The following MTREX variants were observed in gnomAD, a reference collection of about 807,000 sequenced individuals.
MTREX encodes the protein Mtr4 exosome RNA helicase, also known as exosome RNA helicase MTR4.
In MTREX, 76 loss-of-function variants were observed where a neutral mutation model predicts 135.4. The ratio of observed to expected loss-of-function variants is 0.56; its 90% CI spans 0.47 to 0.68. The LOEUF is 0.68. Among genes scored for constraint, MTREX ranks in the 30% least tolerant of loss-of-function variants. MTREX has a pLI of 0.00. For synonymous variants in MTREX, 404 were observed against 401.6 expected, an observed-to-expected ratio of 1.01 and a Z score of -0.07; for missense variants, 920 against 1,262.1, an observed-to-expected ratio of 0.73 and a Z score of 4.11.
chr5:55,376,729 C>A (rs1207835808), intron 16 of MTREX, among the ~76,000 whole-genome samples: 9 of 152,128 alleles, frequency 5.9e-5, no homozygotes, highest in Admixed American at 5.9e-4. Flanking sequence ...ATTCTGATGT[C>A]CCTTCCATAG....
At chr5:55,389,537 C>CT (rs1750531705) in intron 19 of MTREX, among the ~76,000 whole-genome samples, 1 of 152,058 alleles carries the variant, frequency 6.6e-6, no homozygotes, top group Non-Finnish European at 1.5e-5. Flanking sequence ...TACTCTGTGA[C>CT]TTTAAGGGGA....
intron 22 of MTREX, 43 bp downstream of exon 22, chr5:55,405,631 AT>A: frequency 6.7e-7 from 1 of 1,488,234 alleles, no homozygotes; most frequent in Non-Finnish European, 9.1e-7. Context: ...TTTTTTTTTC[AT>A]TTTTAATTTT....
Position 55,322,317 on chromosome 5 carries a change from TA to T in MTREX, c.135-9del. ...ACTGCAGAATTCATTCCAAACTATTTACTTTTCAGGAAACGTTTTGATGGTA... is the reference window on the plus strand; with the variant it reads ...ACTGCAGAATTCATTCCAAACTATTTCTTTTCAGGAAACGTTTTGATGGTA... On this transcript the variant is annotated splice_polypyrimidine_tract_variant and intron_variant, in intron 1 of 26. Coordinates refer to ENST00000230640, the MANE Select transcript of MTREX (RefSeq NM_015360.5). The T allele has an allele frequency of 1.9e-6, 3 of 1,593,426 alleles. No individual in the cohort carries two copies. Among genetic ancestry groups the T allele is most frequent in the Non-Finnish European group, 2.6e-6 (3 of 1,172,402 alleles).
chr5:55,413,660 AAAC>A (rs1170183458), intron 23 of MTREX, among the ~76,000 whole-genome samples: 4 of 152,218 alleles, frequency 2.6e-5, no homozygotes, highest in Non-Finnish European at 2.9e-5. Flanking sequence ...AAGAATACTG[AAAC>A]TCAGATTAAA....
intron 25 of MTREX, among the ~76,000 whole-genome samples, chr5:55,417,675 G>A (rs1283432119): frequency 6.6e-6 from 1 of 152,194 alleles, no homozygotes; most frequent in Non-Finnish European, 1.5e-5. Context: ...ACAGGTTGGT[G>A]TATGACAATT....
chr5:55,419,998 T>C (rs191182248), intron 25 of MTREX, among the ~76,000 whole-genome samples: 1 of 152,242 alleles, frequency 6.6e-6, no homozygotes, highest in Admixed American at 6.5e-5. Flanking sequence ...AGTAACAATT[T>C]ATTAGTAATT....
At chr5:55,311,913 A>G (rs139843724) in intron 1 of MTREX, among the ~76,000 whole-genome samples, 98 of 152,314 alleles carry the variant, frequency 6.4e-4, no homozygotes, top group African/African-American at 2.2e-3. Context: ...TGTAGCTTGT[A>G]TATGTATGTA....
rs746301119 is a variant in MTREX, at chr5:55,343,460, T to C, written c.906+5T>C. 6.2e-7 allele frequency: 1 copy of C among 1,609,732 alleles called. No individual in the cohort carries two copies. The highest frequency in any genetic ancestry group is 8.5e-7 in the Non-Finnish European group (1 of 1,178,204). Reference sequence around the variant, plus strand: ...ATTTGCCATTTACATAAACAGGTATTTTTTCCTCCTTTTTTGATGTCTTCA... The same window carrying C: ...ATTTGCCATTTACATAAACAGGTATCTTTTCCTCCTTTTTTGATGTCTTCA... On this transcript the variant is annotated splice_donor_5th_base_variant and intron_variant, in intron 8 of 26. Coordinates refer to ENST00000230640, the MANE Select transcript of MTREX (RefSeq NM_015360.5).
intron 7 of MTREX, among the ~76,000 whole-genome samples, chr5:55,342,577 G>C (rs1561191944): frequency 6.6e-6 from 1 of 152,152 alleles, no homozygotes; most frequent in Non-Finnish European, 1.5e-5. Flanking sequence ...GAATTTGTAG[G>C]GTGCTGGCAG....
At chr5:55,335,463 ATTCTT>A (rs1355249237) in intron 5 of MTREX, among the ~76,000 whole-genome samples, 2 of 151,686 alleles carry the variant, frequency 1.3e-5, no homozygotes, top group Admixed American at 6.6e-5. Context: ...TAGATCTGTG[ATTCTT>A]CTCAAGTTAG....
intron 1 of MTREX, among the ~76,000 whole-genome samples, chr5:55,318,875 A>G (rs968104170): frequency 6.6e-6 from 1 of 152,144 alleles, no homozygotes; most frequent in Non-Finnish European, 1.5e-5. Context: ...GTAGTACTAA[A>G]TGTCATTTCA....
At chr5:55,376,482 G>A (rs1394836742) in intron 16 of MTREX, among the ~76,000 whole-genome samples, 1 of 152,200 alleles carries the variant, frequency 6.6e-6, no homozygotes, top group Non-Finnish European at 1.5e-5. Flanking sequence ...ATGGATTGGT[G>A]TAATGCCATT....
chr5:55,383,262 GTTCT>G, intron 18 of MTREX, among the ~76,000 whole-genome samples: 1 of 152,004 alleles, frequency 6.6e-6, no homozygotes, highest in Admixed American at 6.5e-5. Context: ...CTTTACCAGT[GTTCT>G]TTATTTTATT....
intron 22 of MTREX, among the ~76,000 whole-genome samples, chr5:55,406,383 C>A (rs917780068): frequency 6.6e-6 from 1 of 152,164 alleles, no homozygotes; most frequent in African/African-American, 2.4e-5. Context: ...GTGGTCTCTC[C>A]ATGTGGGCTG....
chr5:55,369,926 T>A lies in MTREX; in HGVS notation c.1810+3051T>A, dbSNP rs1419850491. Among the ~76,000 whole-genome samples the A allele has an allele frequency of 2.6e-5, 4 of 151,882 alleles. No individual in the cohort carries two copies. In the East Asian group the frequency reaches 7.7e-4, roughly 29 times the overall value. ...TTCTTTTCTTTTTTCTTTTTTTTTT[T>A]TTCTTTTTTTGAGACGGAGTTTCAT... On this transcript the variant is annotated intron_variant, in intron 16 of 26. Transcript: ENST00000230640.
At chr5:55,404,858 C>T (rs1325282152) in intron 21 of MTREX, among the ~76,000 whole-genome samples, 2 of 149,698 alleles carry the variant, frequency 1.3e-5, no homozygotes, top group East Asian at 2.0e-4. Context: ...GGCTGGAGTG[C>T]AGTGGCATCA....
At chr5:55,349,894 G>C (rs1749800001) in intron 12 of MTREX, among the ~76,000 whole-genome samples, 1 of 152,146 alleles carries the variant, frequency 6.6e-6, no homozygotes, top group African/African-American at 2.4e-5. Context: ...TACTGCTAGT[G>C]TTCTCAGTAT....
At position 55,365,536 on chromosome 5, in the gene MTREX, T is replaced by C. The variant is rs182493388; in HGVS notation, c.1660-1189T>C. 4.1e-4 allele frequency among the ~76,000 whole-genome samples: 62 copies of C among 152,340 alleles called. No homozygotes were observed. In the East Asian group the frequency reaches 0.012, roughly 29 times the overall value. On this transcript the variant is annotated intron_variant, in intron 15 of 26. Transcript: ENST00000230640. ...CTTCAATTTAAGAACCCAGGAGTAC[T>C]CTAAGAGTATTTGTGTATTTTGCTA...
chr5:55,310,817 C>T (rs1434697902), intron 1 of MTREX, among the ~76,000 whole-genome samples: 1 of 152,172 alleles, frequency 6.6e-6, no homozygotes, highest in Non-Finnish European at 1.5e-5. Flanking sequence ...CTCATTTTCT[C>T]ACCCAGGCTG....
Sources: allele counts gnomAD v4.1 joint callset (sites outside exome capture counted in the v4.1 genomes callset), GRCh38; gene constraint gnomAD v4.1.1; transcripts MANE v1.5; gene names NCBI Gene and HGNC (gene_info 2026-07-23, HGNC 2026-07-21).